RERG: variants seen among roughly 807,000 people sequenced by gnomAD.
RERG encodes RAS like estrogen regulated growth inhibitor.
In RERG, 25 loss-of-function variants were observed where a neutral mutation model predicts 23.2. That is an observed-to-expected ratio of 1.08 (90% CI 0.79 to 1.50). The LOEUF (loss-of-function observed/expected upper bound fraction) is 1.50, where lower values mean the gene tolerates loss of function less well. Ranked by LOEUF, RERG falls within the 40% of genes most tolerant of loss-of-function variation. The pLI, the probability that RERG is intolerant of heterozygous loss-of-function variation, is 0.00. For synonymous variants in RERG, 81 were observed against 89.1 expected, an observed-to-expected ratio of 0.91 and a Z score of 0.51; for missense variants, 253 against 250.1, an observed-to-expected ratio of 1.01 and a Z score of -0.08.
At chr12:15,117,149 T>TTTA (rs1397110044) in intron 3 of RERG, among the ~76,000 whole-genome samples, 1 of 151,690 alleles carries the variant, frequency 6.6e-6, no homozygotes, top group Non-Finnish European at 1.5e-5. Flanking sequence ...TAGCTTTTTT[T>TTTA]TTTTTTGCGA....
At chr12:15,191,794 G>T (rs912110828) in intron 2 of RERG, among the ~76,000 whole-genome samples, 4 of 152,098 alleles carry the variant, frequency 2.6e-5, no homozygotes, top group African/African-American at 9.7e-5. Flanking sequence ...TCTGATGCCT[G>T]CAAGCCTGAA....
chr12:15,184,138 G>A (rs941105734), intron 2 of RERG, among the ~76,000 whole-genome samples: 4 of 151,912 alleles, frequency 2.6e-5, no homozygotes, highest in Non-Finnish European at 5.9e-5. Context: ...ATGTCTTTAT[G>A]TCCATATCCT....
chr12:15,216,905 T>C (rs1301748493), intron 2 of RERG, among the ~76,000 whole-genome samples: 1 of 152,236 alleles, frequency 6.6e-6, no homozygotes, highest in Non-Finnish European at 1.5e-5. Flanking sequence ...AATAGCTATC[T>C]TGCTTGAGAG....
At chr12:15,109,916 A>G (rs750030179) in intron 4 of RERG, among the ~76,000 whole-genome samples, 1 of 152,212 alleles carries the variant, frequency 6.6e-6, no homozygotes, top group African/African-American at 2.4e-5. Flanking sequence ...TTTAAGTATC[A>G]GAATTAGAGT....
chr12:15,179,211 ATCTC>A (rs1293452795), intron 2 of RERG, among the ~76,000 whole-genome samples: 1 of 152,168 alleles, frequency 6.6e-6, no homozygotes, highest in Non-Finnish European at 1.5e-5. Flanking sequence ...ATGAAACTAA[ATCTC>A]TCTATTGTCT....
intron 2 of RERG, among the ~76,000 whole-genome samples, chr12:15,185,838 GA>G (rs1008597591): frequency 1.4e-5 from 2 of 143,362 alleles, no homozygotes; most frequent in South Asian, 2.2e-4. Flanking sequence ...AAGTTGAAAA[GA>G]AAAAAAAATA....
intron 2 of RERG, among the ~76,000 whole-genome samples, chr12:15,168,002 T>A (rs1197706141): frequency 6.6e-6 from 1 of 152,228 alleles, no homozygotes; most frequent in Non-Finnish European, 1.5e-5. Flanking sequence ...TCATTATGCC[T>A]ACAAGTCTGG....
At chr12:15,189,780 A>G (rs746030975) in intron 2 of RERG, among the ~76,000 whole-genome samples, 3 of 152,160 alleles carry the variant, frequency 2.0e-5, no homozygotes, top group Non-Finnish European at 4.4e-5. Flanking sequence ...TTAACCAAAC[A>G]TGAGGACTAA....
At chr12:15,194,856 C>T (rs1035452329) in intron 2 of RERG, among the ~76,000 whole-genome samples, 2 of 152,056 alleles carry the variant, frequency 1.3e-5, no homozygotes, top group Non-Finnish European at 2.9e-5. Context: ...GGTGCAATTT[C>T]CACAACCACG....
chr12:15,201,681 T>A (rs1865218974), intron 2 of RERG, among the ~76,000 whole-genome samples: 1 of 149,326 alleles, frequency 6.7e-6, no homozygotes, highest in South Asian at 2.1e-4. Context: ...TAATTAACAA[T>A]CATAATAATT....
chr12:15,220,647 G>A (rs1865500213), intron 1 of RERG, among the ~76,000 whole-genome samples: 1 of 152,070 alleles, frequency 6.6e-6, no homozygotes, highest in South Asian at 2.1e-4. Context: ...TCTTTATAAG[G>A]TAATCATGCT....
intron 2 of RERG, among the ~76,000 whole-genome samples, chr12:15,148,191 C>T (rs771393132): frequency 2.5e-4 from 38 of 151,942 alleles, no homozygotes; most frequent in Non-Finnish European, 5.1e-4. Context: ...GAGAAAACAT[C>T]CAAAATACAA....
chr12:15,166,514 A>ATGGTGGTGATGGTGGTGG (rs1864691278), intron 2 of RERG, among the ~76,000 whole-genome samples: 1 of 149,396 alleles, frequency 6.7e-6, no homozygotes, highest in Non-Finnish European at 1.5e-5. Flanking sequence ...GATGGTGGTG[A>ATGGTGGTGATGGTGGTGG]TGGTGGTGAT....
Position 15,135,680 on chromosome 12 carries a change from T to C in RERG, c.62-14561A>G, listed in dbSNP as rs369640187. Among the ~76,000 whole-genome samples, 27 of 127,420 alleles carry C rather than the reference T, an allele frequency of 2.1e-4. No individual in the cohort carries two copies. In the South Asian group the frequency reaches 3.3e-3, roughly 16 times the overall value. The allele number at this position is 127,420 out of a possible 152,430, so 83.6% of individuals were successfully genotyped here. A position where few individuals can be genotyped will look rare whatever the true frequency, so the allele number is the denominator to read the frequency against. Reference sequence around the variant, plus strand: ...CTGGTATGATCATGTGATTTTTCATTCTTCAGCCTTGATTTGATAAATTAG... The same window carrying C: ...CTGGTATGATCATGTGATTTTTCATCCTTCAGCCTTGATTTGATAAATTAG... On this transcript the variant is annotated intron_variant, in intron 2 of 4. Coordinates refer to ENST00000256953, the MANE Select transcript of RERG (RefSeq NM_032918.3).
At chr12:15,146,836 C>T (rs1174902134) in intron 2 of RERG, among the ~76,000 whole-genome samples, 1 of 152,146 alleles carries the variant, frequency 6.6e-6, no homozygotes, top group Admixed American at 6.5e-5. Flanking sequence ...TTACTTTCAG[C>T]GATTTGGCCT....
At chr12:15,201,423 A>G (rs555959504) in intron 2 of RERG, among the ~76,000 whole-genome samples, 1 of 151,736 alleles carries the variant, frequency 6.6e-6, no homozygotes, top group Non-Finnish European at 1.5e-5. Context: ...CTTCTCATAT[A>G]TAAGAACAAG....
At chr12:15,118,076 C>G (rs1240703074) in intron 3 of RERG, among the ~76,000 whole-genome samples, 1 of 152,078 alleles carries the variant, frequency 6.6e-6, no homozygotes, top group Non-Finnish European at 1.5e-5. Context: ...TCGAAACACT[C>G]GGATGTTAAA....
intron 2 of RERG, among the ~76,000 whole-genome samples, chr12:15,141,152 CT>C (rs147094991): frequency 0.015 from 2,100 of 138,148 alleles, 28 homozygotes; most frequent in African/African-American, 0.033. Flanking sequence ...ATTGATGTGT[CT>C]TTTTTTTTTT....
intron 2 of RERG, among the ~76,000 whole-genome samples, chr12:15,141,166 T>C (rs1864232304): frequency 6.6e-6 from 1 of 150,378 alleles, no homozygotes; most frequent in Non-Finnish European, 1.5e-5. Context: ...TTTTTTTTTT[T>C]CTATTTTGAG....
Sources: gnomAD v4.1 joint callset for allele counts (sites outside exome capture counted in the v4.1 genomes callset) on GRCh38, gnomAD v4.1.1 for gene constraint, MANE v1.5 for transcripts, NCBI Gene and HGNC (gene_info 2026-07-23, HGNC 2026-07-21) for gene names.